Variants in ANXA4 observed in about 807,000 individuals in gnomAD.
The protein encoded by ANXA4 is annexin A4, also known as 35-beta calcimedin.
Under a neutral mutation model 49.8 loss-of-function variants are expected in ANXA4, and 39 were observed. The observed-to-expected ratio is 0.78, with a 90% CI of 0.61 to 1.02. The LOEUF (loss-of-function observed/expected upper bound fraction) is 1.02. Among genes scored for constraint, ANXA4 ranks in the 50% least tolerant of loss-of-function variants. The pLI is 0.00. For synonymous variants in ANXA4, 134 were observed against 152.5 expected (o/e 0.88, Z 0.89); for missense variants, 360 against 410.1 (o/e 0.88, Z 1.05).
chr2:69,651,546 A>C (rs1676232836), intron 1 of ANXA4, among the ~76,000 whole-genome samples: 2 of 152,028 alleles, frequency 1.3e-5, no homozygotes, highest in African/African-American at 4.8e-5. Context: ...TCTGTCGCCC[A>C]GGCTGGAGTG....
In ANXA4 at chr2:69,781,141, G is replaced by T. The variant is rs564134995; in HGVS notation, c.-46-379G>T. 1.7e-4 allele frequency: 34 copies of T among 199,724 alleles called. No homozygotes were observed. The East Asian group carries it at 4.6e-3, about 27-fold the overall frequency. The allele number at this position is 199,724 out of a possible 1,614,324, so 12.4% of individuals were successfully genotyped here. On this transcript the variant is annotated intron_variant, in intron 1 of 12. Coordinates refer to ENST00000394295, the MANE Select transcript of ANXA4 (RefSeq NM_001153.5). ...CTGGTATGCTGTACTTTCCTCTGATGCAGTTGGATTATCTCTTTTCTCAAA... is the reference window on the plus strand; with the variant it reads ...CTGGTATGCTGTACTTTCCTCTGATTCAGTTGGATTATCTCTTTTCTCAAA...
At chr2:69,782,018 A>G (rs183458844) in intron 2 of ANXA4, among the ~76,000 whole-genome samples, 2 of 152,230 alleles carry the variant, frequency 1.3e-5, no homozygotes, top group African/African-American at 4.8e-5. Context: ...CCTGCTTTAG[A>G]CAGTAATCAG....
intron 3 of ANXA4, among the ~76,000 whole-genome samples, chr2:69,794,497 G>GTTATGTTATA (rs1202945622): frequency 2.9e-4 from 29 of 100,964 alleles, no homozygotes; most frequent in African/African-American, 1.3e-3. Context: ...GGGCTGGTAT[G>GTTATGTTATA]TTATGTTATA....
At chr2:69,716,808 T>A (rs1559105719) in intron 2 of ANXA4, among the ~76,000 whole-genome samples, 1 of 152,154 alleles carries the variant, frequency 6.6e-6, no homozygotes, top group Non-Finnish European at 1.5e-5. Flanking sequence ...CATGTGCAGT[T>A]TGAAGTAAGT....
intron 3 of ANXA4, among the ~76,000 whole-genome samples, chr2:69,730,842 G>A (rs1406521592): frequency 6.6e-6 from 1 of 152,190 alleles, no homozygotes; most frequent in Non-Finnish European, 1.5e-5. Context: ...CCATTAGCAA[G>A]GCCTACTGCC....
At chr2:69,749,355 A>C (rs1237387287) in intron 1 of ANXA4, among the ~76,000 whole-genome samples, 1 of 152,086 alleles carries the variant, frequency 6.6e-6, no homozygotes, top group African/African-American at 2.4e-5. Flanking sequence ...AGGAGGTAGG[A>C]GGGGGGATGT....
chr2:69,663,609 A>G (rs953022255), intron 2 of ANXA4, among the ~76,000 whole-genome samples: 33 of 152,062 alleles, frequency 2.2e-4, no homozygotes, highest in Non-Finnish European at 2.9e-4. Flanking sequence ...GTGTGCTATT[A>G]TCATGCCTGT....
At chr2:69,688,682 A>G (rs1031163144) in intron 2 of ANXA4, among the ~76,000 whole-genome samples, 28 of 152,324 alleles carry the variant, frequency 1.8e-4, no homozygotes, top group African/African-American at 6.7e-4. Context: ...GTTTCTTTTT[A>G]AGCATTATGA....
At chr2:69,796,434 G>T (rs777548263) in intron 3 of ANXA4, among the ~76,000 whole-genome samples, 1 of 152,158 alleles carries the variant, frequency 6.6e-6, no homozygotes, top group Non-Finnish European at 1.5e-5. Context: ...GCCTGTTTTT[G>T]TGGTTTCCTT....
intron 1 of ANXA4, among the ~76,000 whole-genome samples, chr2:69,762,325 G>A (rs79366130): frequency 0.011 from 1,626 of 151,850 alleles, 9 homozygotes; most frequent in Non-Finnish European, 0.016. Flanking sequence ...GCTGGAGGCT[G>A]CACTGAGCTA....
chr2:69,735,630 A>C (rs952394564), intron 3 of ANXA4, among the ~76,000 whole-genome samples: 1 of 151,886 alleles, frequency 6.6e-6, no homozygotes, highest in South Asian at 2.1e-4. Flanking sequence ...CCCTATTTGC[A>C]TGTCTTGGGC....
chr2:69,824,989 C>A (rs1255379160), intron 12 of ANXA4, among the ~76,000 whole-genome samples: 5 of 148,828 alleles, frequency 3.4e-5, no homozygotes, highest in Non-Finnish European at 7.4e-5. Flanking sequence ...ATGGCGTGAA[C>A]CCGGGAGGCA....
intron 1 of ANXA4, among the ~76,000 whole-genome samples, chr2:69,753,144 G>A (rs1355149878): frequency 6.6e-6 from 1 of 152,082 alleles, no homozygotes; most frequent in Non-Finnish European, 1.5e-5. Flanking sequence ...CTTAGATTAC[G>A]TGCTTCTTGA....
intron 1 of ANXA4, among the ~76,000 whole-genome samples, chr2:69,775,234 G>A (rs550151463): frequency 9.2e-5 from 14 of 152,328 alleles, no homozygotes; most frequent in African/African-American, 3.4e-4. Context: ...TGGCTTTGCA[G>A]TTACTGGCTA....
At chr2:69,715,659 T>G (rs1678857682) in intron 2 of ANXA4, among the ~76,000 whole-genome samples, 1 of 152,246 alleles carries the variant, frequency 6.6e-6, no homozygotes, top group Non-Finnish European at 1.5e-5. Flanking sequence ...ACGAAGAGGC[T>G]TAAAACATTC....
At chr2:69,661,947 C>T (rs2105325330) in intron 2 of ANXA4, among the ~76,000 whole-genome samples, 1 of 152,222 alleles carries the variant, frequency 6.6e-6, no homozygotes, top group East Asian at 1.9e-4. Flanking sequence ...GGAATGGGGA[C>T]ACCAGATGTA....
chr2:69,722,820 G>C (rs939271105), intron 3 of ANXA4, among the ~76,000 whole-genome samples: 1 of 151,494 alleles, frequency 6.6e-6, no homozygotes, highest in Non-Finnish European at 1.5e-5. Context: ...CAAATAAATG[G>C]GTCAGAGTTC....
At chr2:69,787,578 G>A (rs34704699) in intron 2 of ANXA4, among the ~76,000 whole-genome samples, 29,557 of 152,124 alleles carry the variant, frequency 0.19, 3,318 homozygotes, top group East Asian at 0.33. Flanking sequence ...GTTCCACGTT[G>A]GTGTAGTTTG....
At chr2:69,818,897 C>T (rs1310920242) in intron 10 of ANXA4, among the ~76,000 whole-genome samples, 1 of 152,148 alleles carries the variant, frequency 6.6e-6, no homozygotes, top group Non-Finnish European at 1.5e-5. Context: ...TATTTTATAT[C>T]TTCTGTGCCT....
Sources: allele counts gnomAD v4.1 joint callset (sites outside exome capture counted in the v4.1 genomes callset), GRCh38; gene constraint gnomAD v4.1.1; transcripts MANE v1.5; gene names NCBI Gene and HGNC (gene_info 2026-07-23, HGNC 2026-07-21).